The following ATP5MC2 variants were observed in gnomAD, a reference collection of about 807,000 sequenced individuals.
ATP5MC2 encodes ATP synthase membrane subunit c locus 2.
Under a neutral mutation model 13.5 loss-of-function variants are expected in ATP5MC2, and 11 were observed. The ratio of observed to expected loss-of-function variants is 0.81; its 90% CI spans 0.51 to 1.35. ATP5MC2 has a LOEUF of 1.35. Among genes scored for constraint, ATP5MC2 ranks in the 40% most tolerant of loss-of-function variants. ATP5MC2 has a pLI of 0.00. For synonymous variants in ATP5MC2, 64 were observed against 69.7 expected (o/e 0.92, Z 0.41); for missense variants, 132 against 175.0 (o/e 0.75, Z 1.39).
At chr12:53,676,163 G>A (rs144827266), upstream of ATP5MC2, 81 of 1,614,248 alleles carry the variant, frequency 5.0e-5, no homozygotes, top group African/African-American at 1.0e-3. Context: ...CGGATAGAGT[G>A]ATTGCAACAT....
chr12:53,669,088 A>C, intron 4 of ATP5MC2, 60 bp downstream of exon 4: 1 of 1,538,670 alleles, frequency 6.5e-7, no homozygotes, highest in South Asian at 1.3e-5. Flanking sequence ...AGACCCCCAA[A>C]TATTTTCTGA....
At chr12:53,678,057 A>C (rs1945316173), upstream of ATP5MC2, among the ~76,000 whole-genome samples, 1 of 152,198 alleles carries the variant, frequency 6.6e-6, no homozygotes, top group African/African-American at 2.4e-5. Context: ...GAGGAAGCTA[A>C]AGCTGGCTCT....
chr12:53,669,698 A>G (rs1945036609), intron 3 of ATP5MC2, among the ~76,000 whole-genome samples, 173 bp downstream of exon 3: 1 of 152,234 alleles, frequency 6.6e-6, no homozygotes, highest in African/African-American at 2.4e-5. Flanking sequence ...CTGGAGCACT[A>G]TAGCATACAG....
intron 4 of ATP5MC2, among the ~76,000 whole-genome samples, chr12:53,667,826 C>A (rs1036839724): frequency 1.3e-5 from 2 of 151,870 alleles, no homozygotes; most frequent in African/African-American, 4.8e-5. Flanking sequence ...TCATACAAAA[C>A]CTGGCTATGG....
At chr12:53,673,886 G>T (rs898058240) in intron 1 of ATP5MC2, 2 of 157,650 alleles carry the variant, frequency 1.3e-5, no homozygotes, top group African/African-American at 4.8e-5. Context: ...CACCCTATAG[G>T]TATCTAAGTT....
Position 53,669,155 on chromosome 12 carries a change from A to G in ATP5MC2, c.304T>C (p.Tyr102His). 1 of 1,608,722 alleles carries G rather than the reference A, an allele frequency of 6.2e-7. No individual in the cohort carries two copies. Among genetic ancestry groups the G allele is most frequent in the Non-Finnish European group, 8.5e-7 (1 of 1,177,514 alleles). Residue 102 changes from tyrosine to histidine, a missense_variant, in exon 4 of 5, where the codon TAT (tyrosine) becomes CAT (histidine). Transcript: ENST00000394349. ...GTVFGSLIIG[Y>H]ARNPSLKQQL... ...GGGTCCAACTTATCTTACCTGGCAT[A>G]ACCAATGATGAGGCTCCCAAACACA...
upstream of ATP5MC2, among the ~76,000 whole-genome samples, chr12:53,678,084 A>G (rs534210076): frequency 1.2e-4 from 18 of 152,208 alleles, no homozygotes; most frequent in Non-Finnish European, 1.6e-4. Flanking sequence ...AAGTTGTTAC[A>G]GCCTGCGATG....
At chr12:53,680,296 T>C (rs994949330), upstream of ATP5MC2, among the ~76,000 whole-genome samples, 4 of 152,116 alleles carry the variant, frequency 2.6e-5, no homozygotes, top group Non-Finnish European at 4.4e-5. Flanking sequence ...ACAACCAATA[T>C]TTATTGAGCA....
upstream of ATP5MC2, among the ~76,000 whole-genome samples, chr12:53,678,046 G>A (rs746661202): frequency 1.4e-4 from 22 of 152,148 alleles, no homozygotes; most frequent in Non-Finnish European, 2.8e-4. Context: ...AAGGGGCCTG[G>A]GAGGAAGCTA....
In ATP5MC2 at chr12:53,665,300, T is replaced by C; in HGVS notation, c.*14A>G. ...CCAGACGCGGGAGAACTATGGGAGG[T>C]GGAGACGGCTCCTTCACATGGCAAA... On this transcript the variant is annotated 3_prime_UTR_variant, in exon 5 of 5. Transcript: ENST00000394349. 1 of 1,596,892 alleles carries C rather than the reference T, an allele frequency of 6.3e-7. No individual in the cohort carries two copies. Among genetic ancestry groups the C allele is most frequent in the Non-Finnish European group, 8.5e-7 (1 of 1,170,428 alleles).
At chr12:53,674,522 A>G (rs572599471) in intron 1 of ATP5MC2, among the ~76,000 whole-genome samples, 4 of 152,358 alleles carry the variant, frequency 2.6e-5, no homozygotes, top group African/African-American at 9.6e-5. Flanking sequence ...GCTTTCTAAT[A>G]TGTCACAGGC....
chr12:53,665,657 G>C (rs963303571), intron 4 of ATP5MC2, among the ~76,000 whole-genome samples: 1 of 152,102 alleles, frequency 6.6e-6, no homozygotes, highest in Non-Finnish European at 1.5e-5. Context: ...CATGGCCCAG[G>C]TATAATCATG....
intron 3 of ATP5MC2, among the ~76,000 whole-genome samples, 185 bp downstream of exon 3, chr12:53,669,686 A>C (rs1011527762): frequency 6.6e-6 from 1 of 152,210 alleles, no homozygotes; most frequent in East Asian, 1.9e-4. Flanking sequence ...CAGTGGCAAA[A>C]GCTGGAGCAC....
At chr12:53,676,306 T>C, upstream of ATP5MC2, 1 of 1,475,444 alleles carries the variant, frequency 6.8e-7, no homozygotes, top group Non-Finnish European at 9.1e-7. Context: ...CTCCGCGGAG[T>C]AAGCCGATCC....
At chr12:53,674,027 TG>T (rs1945193984) in intron 1 of ATP5MC2, 1 of 152,402 alleles carries the variant, frequency 6.6e-6, no homozygotes, top group Non-Finnish European at 1.5e-5. Context: ...TGCATATTCT[TG>T]GGCGCAACTT....
intron 1 of ATP5MC2, among the ~76,000 whole-genome samples, chr12:53,675,611 T>A (rs1393083180): frequency 6.6e-6 from 1 of 152,190 alleles, no homozygotes; most frequent in Non-Finnish European, 1.5e-5. Flanking sequence ...ACTATCTCCA[T>A]TGCTCGGAGC....
chr12:53,678,575 G>C (rs1028708981), upstream of ATP5MC2, among the ~76,000 whole-genome samples: 1 of 151,738 alleles, frequency 6.6e-6, no homozygotes, highest in Non-Finnish European at 1.5e-5. Flanking sequence ...GAGATCTGAG[G>C]GGAGGCTGAG....
At chr12:53,679,238 C>CGAGAGAGA (rs59340879), upstream of ATP5MC2, among the ~76,000 whole-genome samples, 3,641 of 127,672 alleles carry the variant, frequency 0.029, 109 homozygotes, top group South Asian at 0.051. Flanking sequence ...ATTTTAAAAA[C>CGAGAGAGA]GAGAGAGAGA....
chr12:53,675,956 G>A (rs1945252276), intron 1 of ATP5MC2, 97 bp downstream of exon 1: 4 of 1,509,332 alleles, frequency 2.7e-6, no homozygotes, highest in Admixed American at 4.2e-5. Context: ...GACCAGGGTG[G>A]GAGCACGCAA....
Sources: gnomAD v4.1 joint callset for allele counts (sites outside exome capture counted in the v4.1 genomes callset) on GRCh38, gnomAD v4.1.1 for gene constraint, MANE v1.5 for transcripts, NCBI Gene and HGNC (gene_info 2026-07-23, HGNC 2026-07-21) for gene names.